Variants in FIP1L1 observed in about 807,000 individuals in gnomAD.
The protein encoded by FIP1L1 is factor interacting with PAPOLA and CPSF1, also known as pre-mRNA 3'-end-processing factor FIP1.
A neutral mutation model predicts 84.6 loss-of-function variants in FIP1L1; 21 were observed. The ratio of observed to expected loss-of-function variants is 0.25; its 90% confidence interval spans 0.18 to 0.36. The LOEUF (loss-of-function observed/expected upper bound fraction) is 0.36. FIP1L1 is among the 10% of genes least tolerant of loss of function. The probability of loss-of-function intolerance (pLI) is 1.00; values close to 1 mark genes in which losing one functional copy is unlikely to be tolerated. For missense variants in FIP1L1, 526 were observed against 751.1 expected (o/e 0.70, Z 3.50); for synonymous variants, 263 against 242.3 (o/e 1.09, Z -0.80).
Position 53,423,684 on chromosome 4 carries a change from A to G in FIP1L1, c.924-2188A>G, listed in dbSNP as rs552408933. Among the ~76,000 whole-genome samples, 3 of 152,310 alleles carry G rather than the reference A, an allele frequency of 2.0e-5. No individual in the cohort carries two copies. In the East Asian group the frequency reaches 5.8e-4, roughly 29 times the overall value. ...GTTTATGTGGTTAAAAAATACGGGC[A>G]CAAGGAGATGTTTTGAAAATGTGGA... On this transcript the variant is annotated intron_variant, in intron 11 of 17. Coordinates refer to ENST00000337488, the MANE Select transcript of FIP1L1 (RefSeq NM_030917.4).
intron 15 of FIP1L1, among the ~76,000 whole-genome samples, chr4:53,451,327 T>G (rs1715808063): frequency 1.3e-5 from 2 of 151,660 alleles, no homozygotes; most frequent in South Asian, 4.2e-4. Flanking sequence ...ATCTTTTTTC[T>G]TTCAACCTTT....
chr4:53,437,738 T>A (rs1241126269), intron 13 of FIP1L1, among the ~76,000 whole-genome samples: 5 of 151,946 alleles, frequency 3.3e-5, no homozygotes, highest in Admixed American at 3.3e-4. Flanking sequence ...TTTATTTTAT[T>A]TTTTTGAGAT....
intron 8 of FIP1L1, 86 bp downstream of exon 8, chr4:53,391,225 G>A: frequency 7.0e-7 from 1 of 1,427,280 alleles, no homozygotes; most frequent in South Asian, 1.4e-5. Flanking sequence ...TATAAAAGTG[G>A]TTAAATGCTA....
In FIP1L1 at chr4:53,425,760, TTTTA is replaced by T. The variant is rs1229605340; in HGVS notation, c.924-108_924-105del. The stretch of plus-strand genomic sequence containing the variant: ...TTTTTCAATGTGTATTGTGATCTGG[TTTTA>T]TTTTAAAATTTATTGCAAACACATT... On this transcript the variant is annotated intron_variant, in intron 11 of 17. Coordinates refer to ENST00000337488, the MANE Select transcript of FIP1L1 (RefSeq NM_030917.4). 1.1e-5 allele frequency: 8 copies of T among 734,340 alleles called. No individual in the cohort carries two copies. In the African/African-American group the frequency reaches 1.3e-4, roughly 12 times the overall value. 45.5% of individuals were successfully genotyped at this position (734,340 alleles called of 1,614,324 possible).
intron 9 of FIP1L1, among the ~76,000 whole-genome samples, chr4:53,394,098 A>C (rs1275616921): frequency 6.6e-6 from 1 of 151,532 alleles, no homozygotes; most frequent in African/African-American, 2.4e-5. Context: ...TTCCAAGAAA[A>C]TTTTTCTTTA....
intron 9 of FIP1L1, among the ~76,000 whole-genome samples, chr4:53,393,142 A>G (rs1418481503): frequency 1.3e-5 from 2 of 152,178 alleles, no homozygotes; most frequent in Non-Finnish European, 1.5e-5. Flanking sequence ...GAGCAGTAGA[A>G]TGAAGTGGCA....
chr4:53,418,975 A>G (rs775690068), intron 11 of FIP1L1, among the ~76,000 whole-genome samples: 1 of 152,186 alleles, frequency 6.6e-6, no homozygotes, highest in Non-Finnish European at 1.5e-5. Flanking sequence ...GCATGTTGCT[A>G]TAGTGTGTAG....
At chr4:53,405,269 C>G (rs1248875232) in intron 10 of FIP1L1, among the ~76,000 whole-genome samples, 1 of 151,948 alleles carries the variant, frequency 6.6e-6, no homozygotes, top group African/African-American at 2.4e-5. Context: ...ATAGGGAATC[C>G]TTTCCCCATT....
At chr4:53,448,395 A>G (rs1282006940) in intron 15 of FIP1L1, among the ~76,000 whole-genome samples, 3 of 152,102 alleles carry the variant, frequency 2.0e-5, no homozygotes, top group African/African-American at 7.2e-5. Flanking sequence ...TAAATCTGAT[A>G]TCTAGTGCAT....
chr4:53,405,460 C>A (rs566071986), intron 10 of FIP1L1, among the ~76,000 whole-genome samples: 1 of 151,998 alleles, frequency 6.6e-6, no homozygotes, highest in Non-Finnish European at 1.5e-5. Context: ...CCAGTTTGTT[C>A]TTTTGGCTTA....
intron 10 of FIP1L1, among the ~76,000 whole-genome samples, chr4:53,401,280 T>C (rs1284789760): frequency 6.6e-6 from 1 of 152,218 alleles, no homozygotes; most frequent in Non-Finnish European, 1.5e-5. Context: ...CCTTTCAAAA[T>C]TTGGGCCAGA....
chr4:53,419,114 T>C (rs1258666092), intron 11 of FIP1L1, among the ~76,000 whole-genome samples: 1 of 152,214 alleles, frequency 6.6e-6, no homozygotes, highest in African/African-American at 2.4e-5. Context: ...TAAGCATAAA[T>C]ATGGAAGGTA....
chr4:53,415,501 T>C (rs987497202), intron 11 of FIP1L1, among the ~76,000 whole-genome samples: 2 of 149,440 alleles, frequency 1.3e-5, no homozygotes, highest in Non-Finnish European at 3.0e-5. Context: ...TAAATAATTA[T>C]GATATACAAG....
intron 8 of FIP1L1, 114 bp from the exon 9 acceptor site, chr4:53,391,316 T>G (rs1239841063): frequency 1.7e-6 from 2 of 1,147,672 alleles, no homozygotes; most frequent in African/African-American, 3.1e-5. Flanking sequence ...ATTTAATGAT[T>G]ATCTGATGTT....
rs879386080 is a variant in FIP1L1, at chr4:53,460,400, A to AAAT, written c.*953_*955dup. On this transcript the variant is annotated 3_prime_UTR_variant, in exon 18 of 18. Transcript: ENST00000337488. ...AAAGAATAAATTACTAGGATCTTTT[A>AAAT]AATAGTGATAATACAAAAGTAATCT... 6.1e-4 allele frequency: 115 copies of AAAT among 189,058 alleles called. No homozygotes were observed. Among genetic ancestry groups the AAAT allele is most frequent in the African/African-American group, 2.1e-3 (90 of 42,970 alleles). The allele number at this position is 189,058 out of a possible 1,614,324, so 11.7% of individuals were successfully genotyped here.
At chr4:53,422,459 C>T (rs990097491) in intron 11 of FIP1L1, among the ~76,000 whole-genome samples, 2 of 151,792 alleles carry the variant, frequency 1.3e-5, no homozygotes, top group Admixed American at 1.3e-4. Flanking sequence ...TGTTTATTCT[C>T]ATTTGTAAAA....
At chr4:53,397,033 C>G (rs1442831035) in intron 9 of FIP1L1, among the ~76,000 whole-genome samples, 6 of 152,128 alleles carry the variant, frequency 3.9e-5, no homozygotes, top group Non-Finnish European at 7.4e-5. Flanking sequence ...CTAAGACATT[C>G]AAAGTTATTT....
intron 13 of FIP1L1, among the ~76,000 whole-genome samples, chr4:53,433,501 A>G (rs955430240): frequency 2.0e-4 from 15 of 75,068 alleles, no homozygotes; most frequent in African/African-American, 7.3e-4. Context: ...CTTCAGTGTC[A>G]TCATATTTGA....
intron 15 of FIP1L1, among the ~76,000 whole-genome samples, chr4:53,449,112 ATTTG>A (rs897250594): frequency 2.0e-5 from 3 of 149,178 alleles, no homozygotes; most frequent in African/African-American, 4.9e-5. Flanking sequence ...TGTTTTGTTT[ATTTG>A]TTCTGGCAAG....
Sources: gnomAD v4.1 joint callset for allele counts (sites outside exome capture counted in the v4.1 genomes callset) on GRCh38, gnomAD v4.1.1 for gene constraint, MANE v1.5 for transcripts, NCBI Gene and HGNC (gene_info 2026-07-23, HGNC 2026-07-21) for gene names.